Variants in CLASP1 observed in about 807,000 individuals in gnomAD.
CLASP1 encodes the protein cytoplasmic linker associated protein 1, also known as CLIP-associating protein 1.
In CLASP1, 38 loss-of-function variants were observed where a neutral mutation model predicts 192.3. That is an observed-to-expected ratio of 0.20 (90% CI 0.15 to 0.26). The LOEUF (loss-of-function observed/expected upper bound fraction) is 0.26. Among genes scored for constraint, CLASP1 ranks in the 10% least tolerant of loss-of-function variants. The pLI is 1.00. For missense variants in CLASP1, 1,433 were observed against 1,932.5 expected, an observed-to-expected ratio of 0.74 and a Z score of 4.85; for synonymous variants, 691 against 712.8, an observed-to-expected ratio of 0.97 and a Z score of 0.49.
exon 34 of CLASP1, chr2:121,377,566 A>C (rs2070547598): frequency 6.3e-7 from 1 of 1,598,702 alleles, no homozygotes; most frequent in Admixed American, 1.7e-5. Flanking sequence ...TCGAAAACTA[A>C]ACTTTTCAAT....
chr2:121,557,855 G>A (rs1307404018), intron 2 of CLASP1, among the ~76,000 whole-genome samples: 1 of 151,814 alleles, frequency 6.6e-6, no homozygotes, highest in Admixed American at 6.6e-5. Flanking sequence ...GGCCAAGGTG[G>A]GTGGATCACA....
At chr2:121,465,731 G>T (rs541761054) in intron 9 of CLASP1, among the ~76,000 whole-genome samples, 2 of 152,302 alleles carry the variant, frequency 1.3e-5, no homozygotes, top group South Asian at 4.2e-4. Context: ...TAAGCCAAAA[G>T]AACAAAGCTG....
chr2:121,548,380 G>A (rs777375432), intron 2 of CLASP1, among the ~76,000 whole-genome samples: 5 of 152,096 alleles, frequency 3.3e-5, no homozygotes, highest in Non-Finnish European at 7.4e-5. Flanking sequence ...AAAAGAATAA[G>A]GAATGAACAA....
chr2:121,627,634 T>C (rs975883982), intron 1 of CLASP1, among the ~76,000 whole-genome samples: 3 of 152,188 alleles, frequency 2.0e-5, no homozygotes, highest in African/African-American at 7.2e-5. Flanking sequence ...TCCCTCACCA[T>C]CCAAGCATGT....
At chr2:121,612,960 A>T (rs965969132) in intron 1 of CLASP1, among the ~76,000 whole-genome samples, 2 of 152,120 alleles carry the variant, frequency 1.3e-5, no homozygotes, top group African/African-American at 2.4e-5. Context: ...TTCTGAGTTT[A>T]AAAAAAAGTT....
chr2:121,536,204 A>ACC (rs199968445), intron 2 of CLASP1, among the ~76,000 whole-genome samples: 3 of 151,048 alleles, frequency 2.0e-5, no homozygotes, highest in South Asian at 2.1e-4. Context: ...ACACAGTGAA[A>ACC]CCCCGTCTCT....
At chr2:121,501,704 T>C (rs754156481) in intron 8 of CLASP1, among the ~76,000 whole-genome samples, 1 of 152,196 alleles carries the variant, frequency 6.6e-6, no homozygotes, top group Non-Finnish European at 1.5e-5. Context: ...GGAATAATAA[T>C]AGGTACACAG....
intron 23 of CLASP1, among the ~76,000 whole-genome samples, chr2:121,416,315 C>A (rs977425161): frequency 2.0e-5 from 3 of 152,144 alleles, no homozygotes; most frequent in African/African-American, 7.2e-5. Flanking sequence ...AAAATTATCA[C>A]CATAACCATA....
At chr2:121,425,394 A>G in intron 21 of CLASP1, 88 bp from the exon 22 acceptor site, 1 of 1,172,272 alleles carries the variant, frequency 8.5e-7, no homozygotes, top group Non-Finnish European at 1.2e-6. Flanking sequence ...TTACACATTA[A>G]TTTGGCTAAA....
chr2:121,485,179 C>A (rs955607910), intron 8 of CLASP1, among the ~76,000 whole-genome samples: 5 of 152,116 alleles, frequency 3.3e-5, no homozygotes, highest in African/African-American at 4.8e-5. Flanking sequence ...GCATCTCTGT[C>A]ATGGACATGG....
intron 2 of CLASP1, among the ~76,000 whole-genome samples, chr2:121,599,587 CAAAA>C (rs763909303): frequency 4.9e-5 from 2 of 41,200 alleles, no homozygotes; most frequent in African/African-American, 9.3e-5. Flanking sequence ...GACTCCATCT[CAAAA>C]AAAAAAAAAA....
chr2:121,558,386 G>GC (rs1212719187), intron 2 of CLASP1, among the ~76,000 whole-genome samples: 8 of 152,144 alleles, frequency 5.3e-5, no homozygotes, highest in South Asian at 2.1e-4. Context: ...GTTTGAATGT[G>GC]CCCCCCCAAA....
chr2:121,586,778 CCT>C (rs1251423027), intron 2 of CLASP1, among the ~76,000 whole-genome samples: 1 of 152,154 alleles, frequency 6.6e-6, no homozygotes, highest in African/African-American at 2.4e-5. Flanking sequence ...CGTTGAAGCC[CCT>C]GAGGCCTAGG....
intron 8 of CLASP1, among the ~76,000 whole-genome samples, chr2:121,495,227 G>C (rs1445243891): frequency 6.6e-6 from 1 of 151,976 alleles, no homozygotes; most frequent in Non-Finnish European, 1.5e-5. Context: ...GGAGGCTGAG[G>C]CAGCTGAATG....
chr2:121,517,568 T>C (rs2094334358), intron 6 of CLASP1, among the ~76,000 whole-genome samples: 2 of 152,126 alleles, frequency 1.3e-5, no homozygotes, highest in African/African-American at 4.8e-5. Context: ...AAGGATGCAA[T>C]TAAGGGCCGA....
At chr2:121,454,737 A>G (rs1461400577) in intron 14 of CLASP1, among the ~76,000 whole-genome samples, 3 of 152,216 alleles carry the variant, frequency 2.0e-5, no homozygotes, top group African/African-American at 7.2e-5. Flanking sequence ...AACATCTTGC[A>G]ATGTTCCACA....
In CLASP1 at chr2:121,339,382, A is replaced by G. The variant is rs556088812; in HGVS notation, c.*1479T>C. 2.1e-3 allele frequency: 324 copies of G among 152,368 alleles called. 1 individual carries two copies. The highest frequency in any genetic ancestry group is 7.5e-3 in the African/African-American group (311 of 41,582). The allele number at this position is 152,368 out of a possible 1,614,324, so 9.4% of individuals were successfully genotyped here. A position where few individuals can be genotyped will look rare whatever the true frequency, so the allele number is the denominator to read the frequency against. ...GTTGCAGTGGGCTCTGCACTGCAATAGCAAATACGTTATTAGAATTAATCT... is the reference window on the plus strand; with the variant it reads ...GTTGCAGTGGGCTCTGCACTGCAATGGCAAATACGTTATTAGAATTAATCT... On this transcript the variant is annotated 3_prime_UTR_variant, in exon 40 of 40. Transcript: ENST00000263710.
At chr2:121,542,572 C>T (rs1238436832) in intron 2 of CLASP1, among the ~76,000 whole-genome samples, 2 of 152,338 alleles carry the variant, frequency 1.3e-5, no homozygotes, top group Non-Finnish European at 2.9e-5. Context: ...GTTACCCAAA[C>T]TTGTTATCCT....
chr2:121,530,715 C>G (rs951926155), intron 2 of CLASP1: 33 of 508,244 alleles, frequency 6.5e-5, no homozygotes, highest in African/African-American at 5.7e-4. Context: ...GCTTTTGCGA[C>G]CCTTCGGGAG....
Sources: gnomAD v4.1 joint callset for allele counts (sites outside exome capture counted in the v4.1 genomes callset) on GRCh38, gnomAD v4.1.1 for gene constraint, MANE v1.5 for transcripts, NCBI Gene and HGNC (gene_info 2026-07-23, HGNC 2026-07-21) for gene names.